PPARGC1A: variants seen among roughly 807,000 people sequenced by gnomAD.
PPARGC1A encodes the protein PPARG coactivator 1 alpha, also known as peroxisome proliferator-activated receptor gamma coactivator 1-alpha.
A neutral mutation model predicts 88.7 loss-of-function variants in PPARGC1A; 25 were observed. The ratio of observed to expected loss-of-function variants is 0.28; its 90% CI spans 0.21 to 0.39. The LOEUF is 0.39. Ranked by LOEUF, PPARGC1A falls within the 10% of genes least tolerant of loss-of-function variation. The pLI is 1.00. For missense variants in PPARGC1A, 880 were observed against 968.7 expected (o/e 0.91, Z 1.22); for synonymous variants, 363 against 355.6 (o/e 1.02, Z -0.24).
the PPARGC1A span, among the ~76,000 whole-genome samples, chr4:24,284,336 CA>C: frequency 2.0e-5 from 3 of 151,828 alleles, no homozygotes; most frequent in East Asian, 5.8e-4. Context: ...AAACAAAAAA[CA>C]AAAAATGCGT....
intron 10 of PPARGC1A, among the ~76,000 whole-genome samples, chr4:23,811,889 C>CCTT (rs1720963463): frequency 3.4e-5 from 2 of 59,040 alleles, no homozygotes; most frequent in African/African-American, 1.3e-4. Flanking sequence ...GAAGAAATGA[C>CCTT]TTTTTTTTTT....
chr4:24,047,016 T>C, the PPARGC1A span, among the ~76,000 whole-genome samples: 1 of 152,146 alleles, frequency 6.6e-6, no homozygotes, highest in Non-Finnish European at 1.5e-5. Flanking sequence ...TGATCACAGC[T>C]GCAAGCCCAC....
chr4:24,077,791 T>A, the PPARGC1A span, among the ~76,000 whole-genome samples: 74 of 152,114 alleles, frequency 4.9e-4, no homozygotes, highest in Non-Finnish European at 9.6e-4. Flanking sequence ...CTCCATTTTA[T>A]CTGTTATATC....
the PPARGC1A span, among the ~76,000 whole-genome samples, chr4:23,968,388 C>T: frequency 6.6e-6 from 1 of 152,046 alleles, no homozygotes; most frequent in East Asian, 1.9e-4. Context: ...ATCTAATGTC[C>T]TTCCTTCCTT....
the PPARGC1A span, among the ~76,000 whole-genome samples, chr4:24,304,960 G>A: frequency 1.3e-5 from 2 of 151,924 alleles, no homozygotes; most frequent in Non-Finnish European, 2.9e-5. Flanking sequence ...CCCCGCGCCA[G>A]GTATGAAGTT....
At chr4:24,312,274 C>T in the PPARGC1A span, among the ~76,000 whole-genome samples, 1 of 152,328 alleles carries the variant, frequency 6.6e-6, no homozygotes, top group South Asian at 2.1e-4. Flanking sequence ...CCTATAAAAG[C>T]TTCTCTTTAG....
At chr4:23,984,374 C>A in the PPARGC1A span, among the ~76,000 whole-genome samples, 1 of 152,112 alleles carries the variant, frequency 6.6e-6, no homozygotes, top group Non-Finnish European at 1.5e-5. Context: ...TTTCTCCCAA[C>A]CCCATCTCAT....
the PPARGC1A span, among the ~76,000 whole-genome samples, chr4:24,229,997 C>A: frequency 2.0e-5 from 3 of 152,160 alleles, no homozygotes; most frequent in Non-Finnish European, 4.4e-5. Flanking sequence ...AATCTCACTG[C>A]CAGCATCAAA....
the PPARGC1A span, among the ~76,000 whole-genome samples, chr4:24,457,531 GTTTGTT>G: frequency 1.6e-5 from 1 of 62,674 alleles, no homozygotes; most frequent in Non-Finnish European, 3.0e-5. Context: ...ACTGTTTTTT[GTTTGTT>G]TGTTTGTTTG....
the PPARGC1A span, among the ~76,000 whole-genome samples, chr4:24,442,440 A>C: frequency 2.1e-4 from 32 of 152,232 alleles, no homozygotes; most frequent in African/African-American, 7.5e-4. Context: ...TAATCTTACA[A>C]GCATGCAAAA....
chr4:24,190,006 C>T, the PPARGC1A span, among the ~76,000 whole-genome samples: 4 of 152,166 alleles, frequency 2.6e-5, no homozygotes, highest in African/African-American at 9.7e-5. Context: ...TAAATTCTTG[C>T]TAACGTAGTG....
chr4:24,165,349 T>C, the PPARGC1A span, among the ~76,000 whole-genome samples: 5 of 152,204 alleles, frequency 3.3e-5, no homozygotes, highest in South Asian at 8.3e-4. Flanking sequence ...AATCTTTGTA[T>C]AGAACTTTTT....
At chr4:24,048,151 C>G in the PPARGC1A span, among the ~76,000 whole-genome samples, 1 of 152,188 alleles carries the variant, frequency 6.6e-6, no homozygotes, top group African/African-American at 2.4e-5. Context: ...ACTTCAATCT[C>G]TCTTTGTACA....
the PPARGC1A span, among the ~76,000 whole-genome samples, chr4:24,261,831 A>G: frequency 6.6e-6 from 1 of 152,118 alleles, no homozygotes; most frequent in Non-Finnish European, 1.5e-5. Context: ...CCTCCAACAC[A>G]CAGCCATTAT....
intron 2 of PPARGC1A, among the ~76,000 whole-genome samples, chr4:23,871,170 C>G (rs1353872806): frequency 2.0e-5 from 3 of 150,888 alleles, no homozygotes. Context: ...TTTGTTGGCT[C>G]TTTGTGAACA....
At chr4:23,890,602 CTTTTTTTTTTT>C (rs56855205), upstream of PPARGC1A, among the ~76,000 whole-genome samples, 7 of 103,228 alleles carry the variant, frequency 6.8e-5, no homozygotes, top group Non-Finnish European at 9.4e-5. Context: ...GCAAACGGGG[CTTTTTTTTTTT>C]TTTTTTTTTT....
At chr4:24,172,661 C>T in the PPARGC1A span, among the ~76,000 whole-genome samples, 1 of 152,156 alleles carries the variant, frequency 6.6e-6, no homozygotes, top group Admixed American at 6.5e-5. Context: ...AGATGTAATT[C>T]CCTCCCTCCC....
At chr4:24,372,548 C>T in the PPARGC1A span, among the ~76,000 whole-genome samples, 3 of 152,188 alleles carry the variant, frequency 2.0e-5, no homozygotes, top group South Asian at 6.2e-4. Context: ...CTACACAGCC[C>T]TTATCAGTAA....
At chr4:24,326,732 T>C in the PPARGC1A span, among the ~76,000 whole-genome samples, 2 of 152,196 alleles carry the variant, frequency 1.3e-5, no homozygotes, top group African/African-American at 2.4e-5. Flanking sequence ...ACAACTCCTT[T>C]CCTTCCTAGG....
Sources: gnomAD v4.1 joint callset for allele counts (sites outside exome capture counted in the v4.1 genomes callset) on GRCh38, gnomAD v4.1.1 for gene constraint, MANE v1.5 for transcripts, NCBI Gene and HGNC (gene_info 2026-07-23, HGNC 2026-07-21) for gene names.